The following SERGEF variants were observed in gnomAD, a reference collection of about 807,000 sequenced individuals.
SERGEF encodes secretion-regulating guanine nucleotide exchange factor.
A neutral mutation model predicts 50.0 loss-of-function variants in SERGEF; 51 were observed. The observed-to-expected ratio is 1.02, with a 90% CI of 0.81 to 1.29. The LOEUF is 1.29. Among genes scored for constraint, SERGEF ranks in the 50% most tolerant of loss-of-function variants. The pLI, the probability that SERGEF is intolerant of heterozygous loss-of-function variation, is 0.00. For missense variants in SERGEF, 521 were observed against 557.0 expected, an observed-to-expected ratio of 0.94 and a Z score of 0.65; for synonymous variants, 205 against 212.4, an observed-to-expected ratio of 0.97 and a Z score of 0.30.
chr11:17,946,750 AT>A (rs979492109), intron 9 of SERGEF, among the ~76,000 whole-genome samples: 5 of 152,228 alleles, frequency 3.3e-5, no homozygotes, highest in African/African-American at 1.2e-4. Flanking sequence ...AGCAATGCAG[AT>A]TGAAAAAGAT....
chr11:17,995,388 G>C (rs1428560371), intron 6 of SERGEF, among the ~76,000 whole-genome samples: 3 of 152,146 alleles, frequency 2.0e-5, no homozygotes, highest in African/African-American at 7.2e-5. Context: ...ATGTCCTCTT[G>C]GTCAGGCGTT....
At chr11:17,793,934 C>T (rs1849530262) in intron 10 of SERGEF, among the ~76,000 whole-genome samples, 1 of 152,254 alleles carries the variant, frequency 6.6e-6, no homozygotes, top group Non-Finnish European at 1.5e-5. Flanking sequence ...GTCCCTGGCA[C>T]AAGCTGGACA....
At chr11:17,999,121 T>C (rs879799694) in intron 5 of SERGEF, among the ~76,000 whole-genome samples, 1 of 152,188 alleles carries the variant, frequency 6.6e-6, no homozygotes, top group Non-Finnish European at 1.5e-5. Flanking sequence ...TGATACCATT[T>C]ATAGAACATT....
At chr11:17,949,744 G>A (rs1045895796) in intron 9 of SERGEF, among the ~76,000 whole-genome samples, 4 of 152,266 alleles carry the variant, frequency 2.6e-5, no homozygotes, top group African/African-American at 9.6e-5. Flanking sequence ...GGTAAAGGGA[G>A]GGTGGAAAAG....
At chr11:17,956,769 C>G (rs535745159) in intron 9 of SERGEF, among the ~76,000 whole-genome samples, 4 of 152,270 alleles carry the variant, frequency 2.6e-5, no homozygotes, top group African/African-American at 9.6e-5. Flanking sequence ...CTATGTGCCA[C>G]ACTCAGGTCC....
At chr11:17,885,552 G>T (rs1454874442) in intron 9 of SERGEF, among the ~76,000 whole-genome samples, 1 of 151,846 alleles carries the variant, frequency 6.6e-6, no homozygotes, top group African/African-American at 2.4e-5. Context: ...TTGAACTCCT[G>T]GCTTCAAGCG....
At chr11:17,845,520 T>A (rs762463016) in intron 10 of SERGEF, among the ~76,000 whole-genome samples, 5 of 152,220 alleles carry the variant, frequency 3.3e-5, no homozygotes, top group Non-Finnish European at 7.3e-5. Context: ...CTCTCCATCC[T>A]GGCTCTGTTC....
At position 17,991,661 on chromosome 11, in the gene SERGEF, G is replaced by T. The variant is rs1366895248; in HGVS notation, c.685+1270C>A. On this transcript the variant is annotated intron_variant, in intron 7 of 10. Coordinates refer to ENST00000265965, the MANE Select transcript of SERGEF (RefSeq NM_012139.4). This position sits in a 1 kb window ranked among gnomAD's most constrained non-coding sequence, Gnocchi z 4.9. ...AATGTGAGACACAAGTTAAAAGTAG[G>T]TGCTTTTTTATTAGATGTTTGTTTT... is the stretch of plus-strand genomic sequence containing the variant. Among the ~76,000 whole-genome samples the T allele has an allele frequency of 6.6e-6, 1 of 152,152 alleles. No individual in the cohort carries two copies. Among genetic ancestry groups the T allele is most frequent in the African/African-American group, 2.4e-5 (1 of 41,414 alleles).
At chr11:17,926,583 T>C (rs1007217796) in intron 9 of SERGEF, among the ~76,000 whole-genome samples, 1 of 152,186 alleles carries the variant, frequency 6.6e-6, no homozygotes, top group African/African-American at 2.4e-5. Flanking sequence ...CCTGCCCTGA[T>C]CTTGTTCCTT....
At chr11:17,946,819 T>G (rs1295617101) in intron 9 of SERGEF, among the ~76,000 whole-genome samples, 1 of 152,230 alleles carries the variant, frequency 6.6e-6, no homozygotes, top group Non-Finnish European at 1.5e-5. Flanking sequence ...ATTCTGTTTT[T>G]GTTTCTCTCC....
chr11:17,993,000 A>G lies in SERGEF; in HGVS notation c.623-7T>C. 6.2e-7 allele frequency: 1 copy of G among 1,613,028 alleles called. No homozygotes were observed. Among genetic ancestry groups the G allele is most frequent in the South Asian group, 1.1e-5 (1 of 91,014 alleles). ...GCTTTAGAATTCTCTAGACCTACAA[A>G]AGAAAAAATGTTCTTCTGAATTACA... On this transcript the variant is annotated splice_polypyrimidine_tract_variant and splice_region_variant and intron_variant, in intron 6 of 10. Transcript: ENST00000265965.
chr11:18,006,388 G>T (rs1854074461), intron 3 of SERGEF, among the ~76,000 whole-genome samples: 1 of 152,190 alleles, frequency 6.6e-6, no homozygotes, highest in East Asian at 1.9e-4. Context: ...GTTGGCCAGG[G>T]TGGTCTCGAA....
chr11:17,912,342 T>C (rs1203158839), intron 9 of SERGEF, among the ~76,000 whole-genome samples: 1 of 152,198 alleles, frequency 6.6e-6, no homozygotes, highest in Non-Finnish European at 1.5e-5. Flanking sequence ...GATATAATTT[T>C]TCTTTAAAAA....
intron 10 of SERGEF, among the ~76,000 whole-genome samples, chr11:17,830,685 A>AGCGAGC (rs1554999499): frequency 8.4e-6 from 1 of 118,884 alleles, no homozygotes; most frequent in Non-Finnish European, 1.8e-5. Flanking sequence ...AGAGAGAGAG[A>AGCGAGC]GAGCACATGT....
At chr11:17,801,662 A>T (rs997906134) in intron 10 of SERGEF, among the ~76,000 whole-genome samples, 2 of 152,120 alleles carry the variant, frequency 1.3e-5, no homozygotes, top group African/African-American at 2.4e-5. Context: ...ACATTTTAAG[A>T]TGTAAGTGCC....
intron 5 of SERGEF, among the ~76,000 whole-genome samples, chr11:17,996,639 C>A (rs1343118805): frequency 3.9e-5 from 6 of 152,150 alleles, no homozygotes; most frequent in African/African-American, 7.2e-5. Flanking sequence ...CATCACCCAA[C>A]AGCAACATTA....
intron 5 of SERGEF, chr11:17,999,512 A>G: frequency 2.2e-6 from 1 of 451,972 alleles, no homozygotes; most frequent in Non-Finnish European, 4.4e-6. Flanking sequence ...TCCTTCCTCC[A>G]CTCCACAAGT....
intron 10 of SERGEF, among the ~76,000 whole-genome samples, chr11:17,869,442 C>T (rs1851094495): frequency 6.6e-6 from 1 of 152,108 alleles, no homozygotes; most frequent in Admixed American, 6.6e-5. Context: ...TAACAAAATA[C>T]CTTAGACCGG....
chr11:17,905,087 C>T (rs960442849), intron 9 of SERGEF, among the ~76,000 whole-genome samples: 13 of 152,198 alleles, frequency 8.5e-5, no homozygotes, highest in Admixed American at 6.5e-4. Context: ...AATATGGGTA[C>T]ACATTTCTGC....
Sources: gnomAD v4.1 joint callset for allele counts (sites outside exome capture counted in the v4.1 genomes callset) on GRCh38, gnomAD v4.1.1 for gene constraint, Gnocchi (gnomAD v3.1) non-coding constraint, MANE v1.5 for transcripts, NCBI Gene and HGNC (gene_info 2026-07-23, HGNC 2026-07-21) for gene names.